The following MOB3B variants were observed in gnomAD, a reference collection of about 807,000 sequenced individuals.
MOB3B encodes the protein MOB kinase activator-like 2B.
A neutral mutation model predicts 18.7 loss-of-function variants in MOB3B; 7 were observed. The observed-to-expected ratio is 0.37, with a 90% CI of 0.21 to 0.70. The LOEUF (loss-of-function observed/expected upper bound fraction) is 0.70, where lower values mean the gene tolerates loss of function less well. MOB3B is among the 30% of genes least tolerant of loss of function. MOB3B has a pLI of 0.52. For missense variants in MOB3B, 253 were observed against 281.3 expected (o/e 0.90, Z 0.72); for synonymous variants, 111 against 99.9 (o/e 1.11, Z -0.66).
intron 1 of MOB3B, among the ~76,000 whole-genome samples, chr9:27,457,548 G>A (rs1353635788): frequency 1.3e-5 from 2 of 152,064 alleles, no homozygotes; most frequent in African/African-American, 2.4e-5. Context: ...TCTGCTCTTC[G>A]CTCAGAATTG....
At chr9:27,527,963 G>A (rs901487034) in intron 1 of MOB3B, among the ~76,000 whole-genome samples, 1 of 152,180 alleles carries the variant, frequency 6.6e-6, no homozygotes, top group Non-Finnish European at 1.5e-5. Flanking sequence ...GGGGAACTCG[G>A]GACCATCCTA....
At chr9:27,524,568 C>T in intron 1 of MOB3B, 3 of 1,614,046 alleles carry the variant, frequency 1.9e-6, no homozygotes, top group Non-Finnish European at 2.5e-6. Context: ...ATACACCCAA[C>T]CTATGAAGAG....
chr9:27,473,019 T>C (rs954066367), intron 1 of MOB3B, among the ~76,000 whole-genome samples: 2 of 152,230 alleles, frequency 1.3e-5, no homozygotes, highest in East Asian at 1.9e-4. Context: ...AAATCACAGA[T>C]AGCTATTCCA....
In MOB3B at chr9:27,384,929, G is replaced by C. The variant is rs941452678; in HGVS notation, c.419-25693C>G. On this transcript the variant is annotated intron_variant, in intron 2 of 3. Transcript: ENST00000262244. ...CCCCAGCCTCCAGTCCCTCTGCCAG[G>C]AACTTGGGTCATGTCTCTCACAATA... Among the ~76,000 whole-genome samples, 15 of 152,314 alleles carry C rather than the reference G, an allele frequency of 9.8e-5. No individual in the cohort carries two copies. The South Asian group carries it at 1.0e-3, about 11-fold the overall frequency.
intron 1 of MOB3B, among the ~76,000 whole-genome samples, chr9:27,492,492 A>C (rs780970632): frequency 1.3e-5 from 2 of 152,232 alleles, no homozygotes; most frequent in African/African-American, 2.4e-5. Flanking sequence ...ATGCTGCCCA[A>C]GTGACTCTCA....
At chr9:27,516,470 T>A (rs1820236008) in intron 1 of MOB3B, among the ~76,000 whole-genome samples, 1 of 152,116 alleles carries the variant, frequency 6.6e-6, no homozygotes, top group South Asian at 2.1e-4. Flanking sequence ...TTTCTGAGCT[T>A]AAAAGAATCA....
chr9:27,340,221 T>C (rs1035599777), intron 3 of MOB3B, among the ~76,000 whole-genome samples: 1 of 152,216 alleles, frequency 6.6e-6, no homozygotes, highest in African/African-American at 2.4e-5. Flanking sequence ...TGTGTGCACA[T>C]ATGTGCAGGC....
At chr9:27,528,607 C>A (rs543151215) in intron 1 of MOB3B, among the ~76,000 whole-genome samples, 1 of 152,208 alleles carries the variant, frequency 6.6e-6, no homozygotes, top group African/African-American at 2.4e-5. Context: ...GCGTGGGGGC[C>A]GGGGAGGGGG....
intron 3 of MOB3B, among the ~76,000 whole-genome samples, chr9:27,334,014 A>G (rs1820826958): frequency 6.6e-6 from 1 of 152,300 alleles, no homozygotes; most frequent in East Asian, 1.9e-4. Context: ...TTAAGATGCA[A>G]TTGTCAGCTC....
chr9:27,362,741 C>G (rs1821291329), intron 2 of MOB3B, among the ~76,000 whole-genome samples: 1 of 152,198 alleles, frequency 6.6e-6, no homozygotes, highest in South Asian at 2.1e-4. Flanking sequence ...AAGACAAAAT[C>G]CAGCTCACAG....
intron 2 of MOB3B, among the ~76,000 whole-genome samples, chr9:27,429,525 CAATT>C (rs1228726759): frequency 1.3e-5 from 2 of 152,126 alleles, no homozygotes; most frequent in Non-Finnish European, 2.9e-5. Flanking sequence ...GATTCTAAAA[CAATT>C]AAACAGAGGA....
chr9:27,467,373 A>C (rs910853530), intron 1 of MOB3B, among the ~76,000 whole-genome samples: 6 of 152,212 alleles, frequency 3.9e-5, no homozygotes, highest in Admixed American at 3.9e-4. Flanking sequence ...ATATAAGTAA[A>C]GATAGGTAAA....
chr9:27,329,939 G>A lies in MOB3B; in HGVS notation c.*648C>T, dbSNP rs1470811520. On this transcript the variant is annotated 3_prime_UTR_variant, in exon 4 of 4. Transcript: ENST00000262244. ...TTGGGGCAGAGACAAGCCACCCCATGGAGTGTCCCTGATAAAACTATTTAT... is the reference window on the plus strand; with the variant it reads ...TTGGGGCAGAGACAAGCCACCCCATAGAGTGTCCCTGATAAAACTATTTAT... The A allele has an allele frequency of 1.3e-5, 2 of 152,286 alleles. No individual in the cohort carries two copies. Among genetic ancestry groups the A allele is most frequent in the Non-Finnish European group, 2.9e-5 (2 of 68,038 alleles). The allele number at this position is 152,286 out of a possible 1,614,324, so 9.4% of individuals were successfully genotyped here.
At position 27,374,352 on chromosome 9, in the gene MOB3B, T is replaced by A. The variant is rs929232985; in HGVS notation, c.419-15116A>T. ...GCCACTTCCCAAATAATATACCCTC[T>A]ACCCCTCAAAAACCAAGGCAATTCC... On this transcript the variant is annotated intron_variant, in intron 2 of 3. Coordinates refer to ENST00000262244, the MANE Select transcript of MOB3B (RefSeq NM_024761.5). Among the ~76,000 whole-genome samples the A allele has an allele frequency of 5.3e-5, 8 of 152,220 alleles. 1 individual carries two copies. The highest frequency in any genetic ancestry group is 1.4e-4 in the African/African-American group (6 of 41,542).
intron 3 of MOB3B, 87 bp from the exon 4 acceptor site, chr9:27,330,703 C>T: frequency 6.4e-7 from 1 of 1,555,338 alleles, no homozygotes; most frequent in Non-Finnish European, 8.8e-7. Context: ...CTCTTGGAAT[C>T]TCGAGAGCCT....
intron 2 of MOB3B, among the ~76,000 whole-genome samples, chr9:27,382,708 G>A (rs1355005220): frequency 1.4e-5 from 1 of 70,164 alleles, no homozygotes. Flanking sequence ...TGAAATGAGA[G>A]GTGAAGGTGA....
chr9:27,357,121 AAT>A (rs56064443), intron 3 of MOB3B, among the ~76,000 whole-genome samples: 18 of 62,912 alleles, frequency 2.9e-4, no homozygotes, highest in South Asian at 1.0e-3. Context: ...GAGTAATGCA[AAT>A]ATATATATAT....
intron 1 of MOB3B, among the ~76,000 whole-genome samples, chr9:27,459,914 T>G (rs1469590187): frequency 6.6e-6 from 1 of 151,640 alleles, no homozygotes; most frequent in Admixed American, 6.6e-5. Flanking sequence ...AAAGTTTTCC[T>G]TCTAAGTAGA....
At chr9:27,501,600 T>C (rs1819992126) in intron 1 of MOB3B, among the ~76,000 whole-genome samples, 1 of 121,620 alleles carries the variant, frequency 8.2e-6, no homozygotes, top group Non-Finnish European at 1.7e-5. Flanking sequence ...GGGCCTGTCA[T>C]GGGGTGGGGG....
Sources: allele counts gnomAD v4.1 joint callset (sites outside exome capture counted in the v4.1 genomes callset), GRCh38; gene constraint gnomAD v4.1.1; transcripts MANE v1.5; gene names NCBI Gene and HGNC (gene_info 2026-07-23, HGNC 2026-07-21).